SCHIP1: variants seen among roughly 807,000 people sequenced by gnomAD.
SCHIP1 encodes the protein schwannomin interacting protein 1, also known as schwannomin-interacting protein 1.
SCHIP1 carries 8 observed loss-of-function variants against 29.7 expected under a neutral mutation model. That is an observed-to-expected ratio of 0.27 (90% confidence interval 0.16 to 0.49). SCHIP1 has a LOEUF of 0.49. Among genes scored for constraint, SCHIP1 ranks in the 20% least tolerant of loss-of-function variants. The pLI, the probability that SCHIP1 is intolerant of heterozygous loss-of-function variation, is 0.99. For synonymous variants in SCHIP1, 76 were observed against 94.9 expected (o/e 0.80, Z 1.16); for missense variants, 193 against 294.6 (o/e 0.66, Z 2.52).
chr3:159,497,603 G>C, the SCHIP1 span, among the ~76,000 whole-genome samples: 1 of 151,686 alleles, frequency 6.6e-6, no homozygotes, highest in African/African-American at 2.4e-5. Context: ...CCAGTGTGTT[G>C]TCTCCTAAAA....
At chr3:159,381,694 C>G in the SCHIP1 span, among the ~76,000 whole-genome samples, 1 of 151,968 alleles carries the variant, frequency 6.6e-6, no homozygotes, top group East Asian at 1.9e-4. Context: ...CTCCTGGGTT[C>G]GAGAGATTCT....
At chr3:159,582,717 G>A in the SCHIP1 span, among the ~76,000 whole-genome samples, 4 of 151,000 alleles carry the variant, frequency 2.6e-5, no homozygotes, top group Non-Finnish European at 5.9e-5. Flanking sequence ...TTATTGCAGT[G>A]GTCTGGAACC....
At chr3:159,299,082 T>C in the SCHIP1 span, among the ~76,000 whole-genome samples, 1 of 152,188 alleles carries the variant, frequency 6.6e-6, no homozygotes, top group African/African-American at 2.4e-5. Context: ...TTATAATGAG[T>C]CAGAAACTTT....
At chr3:159,489,315 T>C in the SCHIP1 span, among the ~76,000 whole-genome samples, 28 of 151,946 alleles carry the variant, frequency 1.8e-4, no homozygotes, top group Admixed American at 1.6e-3. Context: ...GAAACATTTA[T>C]TTATTTAAGA....
chr3:159,487,870 T>G, the SCHIP1 span, among the ~76,000 whole-genome samples: 13 of 152,340 alleles, frequency 8.5e-5, 1 homozygote, highest in African/African-American at 2.9e-4. Flanking sequence ...TCTTTTAAAG[T>G]CTCTGTTAAA....
the SCHIP1 span, among the ~76,000 whole-genome samples, chr3:159,424,384 G>A: frequency 6.6e-6 from 1 of 152,174 alleles, no homozygotes; most frequent in South Asian, 2.1e-4. Flanking sequence ...CGAGAACTAT[G>A]TGAAGAATGC....
At chr3:159,715,600 T>G in the SCHIP1 span, among the ~76,000 whole-genome samples, 2 of 152,172 alleles carry the variant, frequency 1.3e-5, no homozygotes, top group South Asian at 4.1e-4. Flanking sequence ...AACTACGTGA[T>G]GCATGCACAA....
the SCHIP1 span, among the ~76,000 whole-genome samples, chr3:159,798,388 C>A: frequency 6.6e-6 from 1 of 152,118 alleles, no homozygotes; most frequent in African/African-American, 2.4e-5. Context: ...AATGTGTGTA[C>A]CTGGCTCAAA....
chr3:159,457,862 T>A, the SCHIP1 span, among the ~76,000 whole-genome samples: 1 of 152,142 alleles, frequency 6.6e-6, no homozygotes, highest in South Asian at 2.1e-4. Context: ...ATTATGTAAA[T>A]GTGCCCCCCA....
chr3:159,863,123 C>T (rs1159214262), intron 1 of SCHIP1, among the ~76,000 whole-genome samples: 5 of 152,124 alleles, frequency 3.3e-5, no homozygotes, highest in East Asian at 3.9e-4. Context: ...AGGCGGATCA[C>T]GAGGTCAAGA....
chr3:159,841,455 A>C (rs867023136), intron 1 of SCHIP1, among the ~76,000 whole-genome samples: 63 of 152,330 alleles, frequency 4.1e-4, no homozygotes, highest in African/African-American at 1.4e-3. Context: ...CTTACACATA[A>C]TACAGAACTT....
At chr3:159,746,958 A>T in the SCHIP1 span, among the ~76,000 whole-genome samples, 1 of 152,184 alleles carries the variant, frequency 6.6e-6, no homozygotes, top group Non-Finnish European at 1.5e-5. Flanking sequence ...ACACCTCTCC[A>T]ATACCTTTTC....
the SCHIP1 span, among the ~76,000 whole-genome samples, chr3:159,620,383 T>G: frequency 0.017 from 2,555 of 152,298 alleles, 28 homozygotes; most frequent in Middle Eastern, 0.027. Context: ...TGATAGGCCA[T>G]GCATACTTCT....
chr3:159,866,791 G>T (rs1217993336), intron 2 of SCHIP1, among the ~76,000 whole-genome samples: 1 of 152,004 alleles, frequency 6.6e-6, no homozygotes, highest in Non-Finnish European at 1.5e-5. Context: ...TTTATTTCAG[G>T]ATATCATTAC....
chr3:159,342,403 G>A, the SCHIP1 span, among the ~76,000 whole-genome samples: 1 of 152,104 alleles, frequency 6.6e-6, no homozygotes, highest in South Asian at 2.1e-4. Flanking sequence ...AAAAGAAATT[G>A]TTACAGCAAA....
the SCHIP1 span, among the ~76,000 whole-genome samples, chr3:159,671,400 C>T: frequency 4.6e-5 from 7 of 152,124 alleles, no homozygotes; most frequent in Non-Finnish European, 8.8e-5. Context: ...CACCTTTGTC[C>T]TCCTTCTCGG....
At chr3:159,878,803 A>T (rs545838169) in intron 2 of SCHIP1, among the ~76,000 whole-genome samples, 73 of 149,246 alleles carry the variant, frequency 4.9e-4, no homozygotes, top group South Asian at 3.5e-3. Context: ...TAAAATAAAA[A>T]AATAAAAAAA....
chr3:159,619,812 T>A, the SCHIP1 span, among the ~76,000 whole-genome samples: 7 of 152,228 alleles, frequency 4.6e-5, no homozygotes, highest in Admixed American at 2.0e-4. Flanking sequence ...CAAATGGCAG[T>A]GCTTCGTGTA....
the SCHIP1 span, chr3:159,768,388 A>G: frequency 6.6e-6 from 1 of 152,324 alleles, no homozygotes; most frequent in Admixed American, 6.5e-5. Context: ...GGGTAGTGAC[A>G]GAATCCATGT....
Sources: gnomAD v4.1 joint callset for allele counts (sites outside exome capture counted in the v4.1 genomes callset) on GRCh38, gnomAD v4.1.1 for gene constraint, MANE v1.5 for transcripts, NCBI Gene and HGNC (gene_info 2026-07-23, HGNC 2026-07-21) for gene names.